SNX18: variants seen among roughly 807,000 people sequenced by gnomAD.
The protein encoded by SNX18 is sorting nexin 18.
In SNX18, 35 loss-of-function variants were observed where a neutral mutation model predicts 48.7. The observed-to-expected ratio is 0.72, with a 90% confidence interval of 0.55 to 0.95. The LOEUF is 0.95. Ranked by LOEUF, SNX18 falls within the 40% of genes least tolerant of loss-of-function variation. The pLI is 0.00. For missense variants in SNX18, 824 were observed against 871.0 expected (o/e 0.95, Z 0.68); for synonymous variants, 492 against 384.7 (o/e 1.28, Z -3.26).
At chr5:54,632,679 G>A in the SNX18 span, among the ~76,000 whole-genome samples, 5 of 152,132 alleles carry the variant, frequency 3.3e-5, no homozygotes, top group Admixed American at 1.3e-4. Flanking sequence ...GGAGGGATGA[G>A]GGGATTTGTT....
the SNX18 span, among the ~76,000 whole-genome samples, chr5:54,626,609 C>T: frequency 6.6e-6 from 1 of 152,166 alleles, no homozygotes; most frequent in Non-Finnish European, 1.5e-5. Flanking sequence ...TGTTTCTCAA[C>T]CAGGGATAAT....
At chr5:54,623,654 C>A in the SNX18 span, among the ~76,000 whole-genome samples, 2 of 152,072 alleles carry the variant, frequency 1.3e-5, no homozygotes, top group African/African-American at 4.8e-5. Flanking sequence ...GTTAATCTAC[C>A]CAGGAGCTTA....
At chr5:54,564,156 C>T in the SNX18 span, among the ~76,000 whole-genome samples, 4 of 152,020 alleles carry the variant, frequency 2.6e-5, no homozygotes, top group African/African-American at 9.7e-5. Context: ...GTCCCAGCTA[C>T]TTGGGAGACT....
At chr5:54,532,270 C>T (rs1218255396) in intron 1 of SNX18, among the ~76,000 whole-genome samples, 5 of 149,564 alleles carry the variant, frequency 3.3e-5, no homozygotes, top group African/African-American at 7.4e-5. Context: ...TGTCACGTGT[C>T]GAAAGTGTTG....
chr5:54,603,695 C>T, the SNX18 span, among the ~76,000 whole-genome samples: 3 of 152,294 alleles, frequency 2.0e-5, no homozygotes, highest in South Asian at 4.1e-4. Flanking sequence ...TGGGGCTACA[C>T]TGGGCATTTT....
At chr5:54,563,555 A>G in the SNX18 span, among the ~76,000 whole-genome samples, 1 of 152,210 alleles carries the variant, frequency 6.6e-6, no homozygotes, top group East Asian at 1.9e-4. Flanking sequence ...GCACGCTGTG[A>G]TGGTCACACA....
chr5:54,600,104 G>A, the SNX18 span, among the ~76,000 whole-genome samples: 4 of 152,106 alleles, frequency 2.6e-5, no homozygotes, highest in Admixed American at 6.6e-5. Context: ...CTAATATCCA[G>A]TGTCCACAAG....
At chr5:54,593,244 T>C in the SNX18 span, among the ~76,000 whole-genome samples, 43 of 152,346 alleles carry the variant, frequency 2.8e-4, no homozygotes, top group African/African-American at 9.4e-4. Flanking sequence ...AAATCATTAA[T>C]ATATTTTCCT....
chr5:54,628,461 G>A, the SNX18 span, among the ~76,000 whole-genome samples: 1 of 152,096 alleles, frequency 6.6e-6, no homozygotes, highest in Non-Finnish European at 1.5e-5. Context: ...ACTCCCAGCT[G>A]GAAGAGTGAC....
chr5:54,536,513 A>T (rs969214481), intron 1 of SNX18, among the ~76,000 whole-genome samples: 1 of 152,102 alleles, frequency 6.6e-6, no homozygotes, highest in African/African-American at 2.4e-5. Flanking sequence ...GTTTGCTCAG[A>T]ATGATGGTTT....
At chr5:54,578,695 C>T in the SNX18 span, among the ~76,000 whole-genome samples, 1 of 152,172 alleles carries the variant, frequency 6.6e-6, no homozygotes, top group African/African-American at 2.4e-5. Context: ...GTTTCACATG[C>T]TTTCTTGTTG....
chr5:54,525,837 A>G (rs1762122099), intron 1 of SNX18, among the ~76,000 whole-genome samples: 1 of 152,168 alleles, frequency 6.6e-6, no homozygotes. Flanking sequence ...GCTGATTTTA[A>G]TAGTGTTCTC....
the SNX18 span, among the ~76,000 whole-genome samples, chr5:54,582,033 C>G: frequency 1.2e-4 from 18 of 152,182 alleles, no homozygotes; most frequent in Non-Finnish European, 2.4e-4. Flanking sequence ...CCACTGTGTT[C>G]AAGTTGTCCA....
chr5:54,539,824 T>G (rs1762430572), intron 1 of SNX18, among the ~76,000 whole-genome samples: 1 of 152,046 alleles, frequency 6.6e-6, no homozygotes, highest in African/African-American at 2.4e-5. Context: ...TCTTTGGGTT[T>G]TTTTGTTTTG....
intron 1 of SNX18, among the ~76,000 whole-genome samples, chr5:54,541,082 C>A (rs1373127344): frequency 6.6e-6 from 1 of 151,860 alleles, no homozygotes; most frequent in African/African-American, 2.4e-5. Flanking sequence ...GGCTGGAGTA[C>A]GGTGGCGCAA....
chr5:54,612,182 T>A, the SNX18 span, among the ~76,000 whole-genome samples: 1 of 152,218 alleles, frequency 6.6e-6, no homozygotes, highest in Non-Finnish European at 1.5e-5. Context: ...ATAAGGACCA[T>A]TCAAGTTATT....
chr5:54,552,375 A>G, the SNX18 span, among the ~76,000 whole-genome samples: 3 of 152,246 alleles, frequency 2.0e-5, no homozygotes, highest in East Asian at 1.9e-4. Context: ...ATTCACCACC[A>G]TCAGAGCCTT....
the SNX18 span, among the ~76,000 whole-genome samples, chr5:54,572,888 G>T: frequency 7.1e-6 from 1 of 141,708 alleles, no homozygotes; most frequent in African/African-American, 2.6e-5. Flanking sequence ...CCGCCTCCCG[G>T]GTTCAAGCAA....
the SNX18 span, among the ~76,000 whole-genome samples, chr5:54,629,715 C>T: frequency 2.6e-5 from 4 of 152,184 alleles, no homozygotes. Flanking sequence ...GCAACTTTCA[C>T]AGTGCTTTGT....
Sources: allele counts gnomAD v4.1 joint callset (sites outside exome capture counted in the v4.1 genomes callset), GRCh38; gene constraint gnomAD v4.1.1; transcripts MANE v1.5; gene names NCBI Gene and HGNC (gene_info 2026-07-23, HGNC 2026-07-21).